FAM219A: variants seen among roughly 807,000 people sequenced by gnomAD.
FAM219A encodes family with sequence similarity 219 member A.
FAM219A carries 7 observed loss-of-function variants against 23.4 expected under a neutral mutation model. That is an observed-to-expected ratio of 0.30 (90% confidence interval 0.17 to 0.56). FAM219A has a LOEUF of 0.56. Ranked by LOEUF, FAM219A falls within the 20% of genes least tolerant of loss-of-function variation. FAM219A has a pLI of 0.92. For missense variants in FAM219A, 166 were observed against 246.9 expected, an observed-to-expected ratio of 0.67 and a Z score of 2.20; for synonymous variants, 93 against 99.0, an observed-to-expected ratio of 0.94 and a Z score of 0.36.
chr9:34,418,535 G>A (rs1055368847), intron 1 of FAM219A, among the ~76,000 whole-genome samples: 1 of 152,184 alleles, frequency 6.6e-6, no homozygotes, highest in African/African-American at 2.4e-5. Context: ...CTTCCTTCTG[G>A]GAGGACTGGC....
At chr9:34,456,148 G>A (rs1823722266) in intron 1 of FAM219A, among the ~76,000 whole-genome samples, 1 of 152,140 alleles carries the variant, frequency 6.6e-6, no homozygotes, top group African/African-American at 2.4e-5. Flanking sequence ...GGCCAAGATC[G>A]TGCCACTGCA....
chr9:34,449,145 G>A (rs964031207), intron 1 of FAM219A, among the ~76,000 whole-genome samples: 2 of 151,996 alleles, frequency 1.3e-5, no homozygotes, highest in South Asian at 4.2e-4. Context: ...ACCAACCTGG[G>A]CAACATGGCG....
chr9:34,434,373 A>G (rs1262548670), intron 1 of FAM219A, among the ~76,000 whole-genome samples: 1 of 152,070 alleles, frequency 6.6e-6, no homozygotes, highest in South Asian at 2.1e-4. Flanking sequence ...GAAAATATAG[A>G]TATTTATTTT....
At chr9:34,402,086 T>G (rs1368964295) in intron 4 of FAM219A, among the ~76,000 whole-genome samples, 1 of 151,944 alleles carries the variant, frequency 6.6e-6, no homozygotes, top group Non-Finnish European at 1.5e-5. Flanking sequence ...GGATGGGGCA[T>G]TAAGCATCAT....
At chr9:34,407,918 G>A (rs1409804150) in intron 1 of FAM219A, among the ~76,000 whole-genome samples, 2 of 152,204 alleles carry the variant, frequency 1.3e-5, no homozygotes, top group Non-Finnish European at 2.9e-5. Context: ...TTAAAATGAG[G>A]CAGTGGGCAT....
intron 1 of FAM219A, among the ~76,000 whole-genome samples, chr9:34,426,531 G>A (rs985103072): frequency 1.3e-5 from 2 of 152,128 alleles, no homozygotes; most frequent in East Asian, 1.9e-4. Flanking sequence ...TGATGTTATC[G>A]GCCTCACAGT....
rs1467838477 is a variant in FAM219A at position 34,399,227 on chromosome 9, G to C, written c.*1737C>G. On this transcript the variant is annotated 3_prime_UTR_variant, in exon 6 of 6. Coordinates refer to ENST00000651358, the MANE Select transcript of FAM219A (RefSeq NM_001184940.2). ...AGCATGAGATGATCCACCTGGGCCT[G>C]TGCTATAAGGTATGTGGGCACAGGC... The C allele has an allele frequency of 6.6e-6, 1 of 152,206 alleles. No homozygotes were observed. The highest frequency in any genetic ancestry group is 2.1e-4 in the South Asian group (1 of 4,828). 9.4% of individuals were successfully genotyped at this position (152,206 alleles called of 1,614,324 possible).
At chr9:34,435,870 A>G (rs1822890180) in intron 1 of FAM219A, among the ~76,000 whole-genome samples, 1 of 151,798 alleles carries the variant, frequency 6.6e-6, no homozygotes, top group Admixed American at 6.6e-5. Context: ...CAATGGCATG[A>G]TCTCGGCTCA....
chr9:34,421,001 T>TGA (rs1330963914), intron 1 of FAM219A, among the ~76,000 whole-genome samples: 129 of 60,750 alleles, frequency 2.1e-3, no homozygotes, highest in African/African-American at 8.3e-3. Flanking sequence ...TATGTGTGTG[T>TGA]GTGTGTGTGA....
intron 1 of FAM219A, among the ~76,000 whole-genome samples, chr9:34,439,126 G>C (rs565395631): frequency 1.3e-5 from 2 of 152,184 alleles, no homozygotes; most frequent in Non-Finnish European, 2.9e-5. Context: ...CCAGAAGGAA[G>C]AAACTCCGAA....
At position 34,457,967 on chromosome 9, in the gene FAM219A, G is replaced by A. The variant is rs987516688; in HGVS notation, c.60+237C>T. Among the ~76,000 whole-genome samples, 1 of 152,156 alleles carries A rather than the reference G, an allele frequency of 6.6e-6. No individual in the cohort carries two copies. Among genetic ancestry groups the A allele is most frequent in the Non-Finnish European group, 1.5e-5 (1 of 68,012 alleles). On this transcript the variant is annotated intron_variant, in intron 1 of 5. Transcript: ENST00000651358. The surrounding 1 kb of genome is among the most constrained non-coding windows in gnomAD (Gnocchi z 5.1). Reference sequence around the variant, plus strand: ...TGTGCCCCCTCCGTTCCATCCGACGGTGCCCTGCTTCCACCGACGGTGCCC... The same window carrying A: ...TGTGCCCCCTCCGTTCCATCCGACGATGCCCTGCTTCCACCGACGGTGCCC...
intron 2 of FAM219A, 68 bp downstream of exon 2, chr9:34,405,797 C>T: frequency 1.4e-6 from 2 of 1,476,734 alleles, no homozygotes; most frequent in Non-Finnish European, 1.9e-6. Context: ...TGTGGCACCT[C>T]ATTGTAGACC....
In FAM219A at chr9:34,435,719, A is replaced by G. The variant is rs1236439298; in HGVS notation, c.60+22485T>C. Among the ~76,000 whole-genome samples the G allele has an allele frequency of 2.0e-5, 3 of 152,316 alleles. No individual in the cohort carries two copies. In the East Asian group the frequency reaches 5.8e-4, roughly 29 times the overall value. On this transcript the variant is annotated intron_variant, in intron 1 of 5. Coordinates refer to ENST00000651358, the MANE Select transcript of FAM219A (RefSeq NM_001184940.2). ...TTTTATGTCAATTCATATTAGATTT[A>G]CATCCTCCTTTTAAAAGGCTGCCCA...
intron 1 of FAM219A, among the ~76,000 whole-genome samples, chr9:34,438,370 C>T (rs1159987445): frequency 6.6e-6 from 1 of 152,244 alleles, no homozygotes; most frequent in Non-Finnish European, 1.5e-5. Flanking sequence ...CCACCTGCAG[C>T]ACCGGTGCGG....
intron 1 of FAM219A, among the ~76,000 whole-genome samples, chr9:34,408,071 G>A (rs1268697524): frequency 6.6e-6 from 1 of 152,208 alleles, no homozygotes; most frequent in African/African-American, 2.4e-5. Flanking sequence ...GCAAGTTCCT[G>A]AGGGCAAAAC....
chr9:34,411,575 G>A (rs1427289212), intron 1 of FAM219A, among the ~76,000 whole-genome samples: 1 of 151,700 alleles, frequency 6.6e-6, no homozygotes, highest in Non-Finnish European at 1.5e-5. Flanking sequence ...TACTCGGGAG[G>A]CTGAGGCAGG....
intron 1 of FAM219A, among the ~76,000 whole-genome samples, chr9:34,416,807 C>T (rs1273505353): frequency 2.3e-5 from 1 of 43,526 alleles, no homozygotes; most frequent in African/African-American, 7.7e-5. Flanking sequence ...ATCAGCTCTC[C>T]ATTTTTTTTT....
chr9:34,427,577 C>T (rs1822534999), intron 1 of FAM219A, among the ~76,000 whole-genome samples: 1 of 152,164 alleles, frequency 6.6e-6, no homozygotes, highest in Admixed American at 6.5e-5. Flanking sequence ...ATGCCTGCCT[C>T]CACTATGTCC....
chr9:34,427,004 T>A (rs546893216), intron 1 of FAM219A, among the ~76,000 whole-genome samples: 1 of 152,182 alleles, frequency 6.6e-6, no homozygotes, highest in South Asian at 2.1e-4. Flanking sequence ...GAGTAGTCAC[T>A]TGCCTTTACT....
Sources: gnomAD v4.1 joint callset for allele counts (sites outside exome capture counted in the v4.1 genomes callset) on GRCh38, gnomAD v4.1.1 for gene constraint, Gnocchi (gnomAD v3.1) non-coding constraint, MANE v1.5 for transcripts, NCBI Gene and HGNC (gene_info 2026-07-23, HGNC 2026-07-21) for gene names.